Variants in NBAS observed in about 807,000 individuals in gnomAD.
The protein encoded by NBAS is NBAS subunit of NRZ tethering complex.
Under a neutral mutation model 302.5 loss-of-function variants are expected in NBAS, and 219 were observed. That is an observed-to-expected ratio of 0.72 (90% CI 0.65 to 0.81). NBAS has a LOEUF of 0.81. NBAS is among the 30% of genes least tolerant of loss of function. The probability of loss-of-function intolerance (pLI) is 0.00; values close to 1 mark genes in which losing one functional copy is unlikely to be tolerated. For synonymous variants in NBAS, 1,118 were observed against 1,021.6 expected, an observed-to-expected ratio of 1.09 and a Z score of -1.80; for missense variants, 2,932 against 2,841.6, an observed-to-expected ratio of 1.03 and a Z score of -0.72.
At chr2:15,481,781 T>G (rs1385276901) in intron 12 of NBAS, among the ~76,000 whole-genome samples, 1 of 152,172 alleles carries the variant, frequency 6.6e-6, no homozygotes, top group Non-Finnish European at 1.5e-5. Flanking sequence ...TCTCCTGCCT[T>G]CCTGTCTCAA....
chr2:15,466,613 G>A (rs181966269), intron 19 of NBAS, among the ~76,000 whole-genome samples: 3 of 152,146 alleles, frequency 2.0e-5, no homozygotes, highest in Non-Finnish European at 4.4e-5. Context: ...TAGGATCAAA[G>A]GTGAATCAAC....
intron 33 of NBAS, 107 bp downstream of exon 33, chr2:15,356,196 A>G (rs1673609375): frequency 9.1e-6 from 8 of 879,380 alleles, no homozygotes; most frequent in African/African-American, 1.6e-5. Context: ...TCAAGCCTCA[A>G]TGTGGCTGGC....
chr2:15,257,201 A>G (rs1668638973), intron 44 of NBAS, among the ~76,000 whole-genome samples: 1 of 152,156 alleles, frequency 6.6e-6, no homozygotes, highest in Non-Finnish European at 1.5e-5. Context: ...GGCAATTTTA[A>G]AAATTACTGT....
the NBAS span, among the ~76,000 whole-genome samples, chr2:15,089,829 A>C: frequency 1.4e-5 from 2 of 141,740 alleles, no homozygotes; most frequent in South Asian, 4.4e-4. Context: ...GTTCACTGCA[A>C]CCTCTGCCTC....
the NBAS span, among the ~76,000 whole-genome samples, chr2:14,799,025 A>G: frequency 9.8e-3 from 1,488 of 151,794 alleles, 15 homozygotes; most frequent in Non-Finnish European, 0.017. Context: ...TTGTTTTCTT[A>G]TTTTTCTCTC....
the NBAS span, among the ~76,000 whole-genome samples, chr2:15,029,050 A>G: frequency 2.6e-5 from 4 of 152,142 alleles, no homozygotes; most frequent in Non-Finnish European, 4.4e-5. Context: ...AGAAGATACA[A>G]CTTAGTCTGG....
chr2:15,319,609 C>T (rs972964971), intron 38 of NBAS, among the ~76,000 whole-genome samples: 3 of 152,114 alleles, frequency 2.0e-5, no homozygotes, highest in Non-Finnish European at 2.9e-5. Context: ...CCAGAGAATA[C>T]TATAAACATC....
At chr2:15,047,804 G>A in the NBAS span, among the ~76,000 whole-genome samples, 2 of 152,258 alleles carry the variant, frequency 1.3e-5, no homozygotes, top group South Asian at 4.1e-4. Flanking sequence ...AGCAGACCTA[G>A]ATTACCGTCC....
intron 35 of NBAS, among the ~76,000 whole-genome samples, chr2:15,350,215 C>G (rs1362348724): frequency 6.6e-6 from 1 of 151,958 alleles, no homozygotes; most frequent in East Asian, 1.9e-4. Context: ...AAGCTTTGTA[C>G]CAGAGTTCTA....
At chr2:15,024,560 C>A in the NBAS span, among the ~76,000 whole-genome samples, 1 of 152,152 alleles carries the variant, frequency 6.6e-6, no homozygotes, top group African/African-American at 2.4e-5. Context: ...TCCACAAAAG[C>A]TGAACTAATT....
intron 44 of NBAS, among the ~76,000 whole-genome samples, chr2:15,240,006 C>T (rs1667788543): frequency 6.6e-6 from 1 of 152,138 alleles, no homozygotes; most frequent in Non-Finnish European, 1.5e-5. Context: ...GATCCTAGCG[C>T]CTTCTCAGGC....
chr2:14,981,415 C>A, the NBAS span, among the ~76,000 whole-genome samples: 1 of 152,188 alleles, frequency 6.6e-6, no homozygotes, highest in South Asian at 2.1e-4. Flanking sequence ...TTTTGAGGTA[C>A]AATGATGAAA....
the NBAS span, among the ~76,000 whole-genome samples, chr2:15,156,419 CAA>C: frequency 1.3e-5 from 2 of 152,190 alleles, no homozygotes; most frequent in Non-Finnish European, 2.9e-5. Context: ...GCTGCCATAA[CAA>C]AGTACACGAG....
At chr2:15,434,621 T>A (rs1677921862) in intron 21 of NBAS, among the ~76,000 whole-genome samples, 1 of 152,252 alleles carries the variant, frequency 6.6e-6, no homozygotes, top group Non-Finnish European at 1.5e-5. Flanking sequence ...ATTGTTCATT[T>A]ATTTTTGATA....
chr2:15,398,992 A>G (rs1362426596), intron 26 of NBAS, among the ~76,000 whole-genome samples: 2 of 152,308 alleles, frequency 1.3e-5, no homozygotes, highest in Admixed American at 6.5e-5. Flanking sequence ...TACATTCTTC[A>G]AAAACAAATA....
intron 51 of NBAS, among the ~76,000 whole-genome samples, chr2:15,175,630 T>C (rs185640150): frequency 9.2e-5 from 14 of 152,294 alleles, no homozygotes; most frequent in African/African-American, 2.9e-4. Context: ...GTCTATACCA[T>C]GCAGGGTTTT....
chr2:15,316,727 C>T (rs749024960), intron 38 of NBAS, among the ~76,000 whole-genome samples: 10 of 152,228 alleles, frequency 6.6e-5, no homozygotes, highest in African/African-American at 1.7e-4. Flanking sequence ...CCAGGAAGCG[C>T]GAAGTGGGAG....
chr2:14,909,059 G>A, the NBAS span, among the ~76,000 whole-genome samples: 2 of 152,104 alleles, frequency 1.3e-5, no homozygotes. Context: ...CTGGCCGGGC[G>A]CGGTGGCTTA....
chr2:15,463,951 A>G (rs1026694818), intron 19 of NBAS, among the ~76,000 whole-genome samples: 10 of 152,168 alleles, frequency 6.6e-5, no homozygotes, highest in African/African-American at 2.4e-5. Context: ...GAAATAAGAT[A>G]TACGGGCTTT....
Sources: allele counts gnomAD v4.1 joint callset (sites outside exome capture counted in the v4.1 genomes callset), GRCh38; gene constraint gnomAD v4.1.1; transcripts MANE v1.5; gene names NCBI Gene and HGNC (gene_info 2026-07-23, HGNC 2026-07-21).